The following TMTC1 variants were observed in gnomAD, a reference collection of about 807,000 sequenced individuals.
The protein encoded by TMTC1 is protein O-mannosyl-transferase TMTC1.
In TMTC1, 73 loss-of-function variants were observed where a neutral mutation model predicts 104.8. The ratio of observed to expected loss-of-function variants is 0.70; its 90% CI spans 0.58 to 0.85. The LOEUF is 0.85. TMTC1 is among the 40% of genes least tolerant of loss of function. The pLI, the probability that TMTC1 is intolerant of heterozygous loss-of-function variation, is 0.00. For missense variants in TMTC1, 1,035 were observed against 1,096.1 expected (o/e 0.94, Z 0.79); for synonymous variants, 434 against 428.7 (o/e 1.01, Z -0.15).
intron 5 of TMTC1, among the ~76,000 whole-genome samples, chr12:29,663,807 A>G (rs7301530): frequency 0.81 from 121,956 of 150,812 alleles, 49,480 homozygotes; most frequent in South Asian, 0.85. Flanking sequence ...GTGAGCCACC[A>G]CACCCAGCCA....
intron 5 of TMTC1, among the ~76,000 whole-genome samples, chr12:29,660,219 T>C (rs1165846963): frequency 3.3e-5 from 5 of 152,214 alleles, no homozygotes; most frequent in African/African-American, 1.2e-4. Flanking sequence ...AGAAACCAGC[T>C]GCCATGTGGC....
chr12:29,570,050 C>A (rs1371110770), intron 9 of TMTC1, among the ~76,000 whole-genome samples: 2 of 152,158 alleles, frequency 1.3e-5, no homozygotes, highest in Admixed American at 1.3e-4. Context: ...TTGAACTTGA[C>A]AGAAAATAGT....
intron 7 of TMTC1, among the ~76,000 whole-genome samples, chr12:29,603,792 A>G (rs535370025): frequency 1.4e-4 from 21 of 152,356 alleles, no homozygotes; most frequent in African/African-American, 5.0e-4. Context: ...AAAGAAGTTA[A>G]TTACAATCAT....
chr12:29,588,408 T>G (rs1946195970), intron 7 of TMTC1, among the ~76,000 whole-genome samples: 1 of 152,204 alleles, frequency 6.6e-6, no homozygotes, highest in Admixed American at 6.5e-5. Context: ...CTGCTCAAGT[T>G]CATAAGCCTG....
At chr12:29,606,729 C>A (rs560088604) in intron 6 of TMTC1, among the ~76,000 whole-genome samples, 1 of 152,252 alleles carries the variant, frequency 6.6e-6, no homozygotes, top group African/African-American at 2.4e-5. Context: ...CCCAATGAGC[C>A]ACCCCACGGC....
chr12:29,778,367 G>C (rs1193950373), intron 1 of TMTC1, among the ~76,000 whole-genome samples: 1 of 152,190 alleles, frequency 6.6e-6, no homozygotes. Context: ...TTCTTCCCAA[G>C]AGAAGGGTTG....
intron 5 of TMTC1, among the ~76,000 whole-genome samples, chr12:29,661,871 T>C (rs1940045742): frequency 6.6e-6 from 1 of 152,198 alleles, no homozygotes; most frequent in Admixed American, 6.5e-5. Context: ...CGTCAGCTTC[T>C]AGAGGGGCAG....
chr12:29,687,449 G>A lies in TMTC1; in HGVS notation c.939-54113C>T, dbSNP rs371514616. On this transcript the variant is annotated intron_variant, in intron 5 of 17. Transcript: ENST00000539277. The stretch of plus-strand genomic sequence containing the variant: ...AATGCCATAAAGAGGAAGAAAGACT[G>A]ATAAACTCTTCCAAATTAAACGAGA... Among the ~76,000 whole-genome samples the A allele has an allele frequency of 1.2e-4, 19 of 152,214 alleles. No individual in the cohort carries two copies. The East Asian group carries it at 1.9e-3, about 15-fold the overall frequency.
At chr12:29,652,528 C>CA (rs1166487844) in intron 5 of TMTC1, among the ~76,000 whole-genome samples, 1 of 152,136 alleles carries the variant, frequency 6.6e-6, no homozygotes, top group East Asian at 1.9e-4. Context: ...CCTTCAGAAA[C>CA]AAAAAGGCAA....
intron 5 of TMTC1, among the ~76,000 whole-genome samples, chr12:29,703,015 G>A (rs549849241): frequency 9.1e-4 from 138 of 151,878 alleles, no homozygotes; most frequent in African/African-American, 3.1e-3. Context: ...ACGGTGGCGC[G>A]TGCCTATAAT....
intron 5 of TMTC1, among the ~76,000 whole-genome samples, chr12:29,733,910 T>C (rs773170119): frequency 6.6e-6 from 1 of 152,238 alleles, no homozygotes; most frequent in Non-Finnish European, 1.5e-5. Flanking sequence ...GCAAGGCCAT[T>C]ATTTTTTCAT....
At chr12:29,660,651 C>A (rs561672026) in intron 5 of TMTC1, among the ~76,000 whole-genome samples, 1 of 152,066 alleles carries the variant, frequency 6.6e-6, no homozygotes, top group South Asian at 2.1e-4. Context: ...TGTAACATTA[C>A]GGCATGCCAA....
chr12:29,508,803 C>T (rs1943758160), intron 17 of TMTC1, among the ~76,000 whole-genome samples: 1 of 152,086 alleles, frequency 6.6e-6, no homozygotes, highest in Non-Finnish European at 1.5e-5. Flanking sequence ...TTCTCAAACC[C>T]CCGACCTCAG....
At chr12:29,639,158 A>G (rs1938710446) in intron 5 of TMTC1, among the ~76,000 whole-genome samples, 1 of 152,214 alleles carries the variant, frequency 6.6e-6, no homozygotes, top group South Asian at 2.1e-4. Context: ...TGCCTTCCAC[A>G]ACAGCATTTT....
At chr12:29,663,049 G>A (rs747853897) in intron 5 of TMTC1, among the ~76,000 whole-genome samples, 1 of 152,186 alleles carries the variant, frequency 6.6e-6, no homozygotes, top group Non-Finnish European at 1.5e-5. Flanking sequence ...CCCAAAATGG[G>A]CTTTAGGGGG....
intron 5 of TMTC1, among the ~76,000 whole-genome samples, chr12:29,720,120 G>C (rs1007840403): frequency 2.0e-5 from 3 of 152,216 alleles, no homozygotes; most frequent in African/African-American, 7.2e-5. Flanking sequence ...CCAAGGTTTT[G>C]TTAGGTCATA....
At position 29,522,590 on chromosome 12, in the gene TMTC1, T is replaced by C. The variant is rs1592165905; in HGVS notation, c.1786-1870A>G. On this transcript the variant is annotated intron_variant, in intron 11 of 17. Transcript: ENST00000539277. ...TGTGTGTGTGTGTGTGTGTGTGTAA[T>C]GAAGACAGGCAGAACAGAAATTATA... Among the ~76,000 whole-genome samples, 6 of 148,604 alleles carry C rather than the reference T, an allele frequency of 4.0e-5. 1 individual carries two copies. The South Asian group carries it at 1.3e-3, about 32-fold the overall frequency.
rs117760435 is a variant in TMTC1, at chr12:29,751,850, G to T, written c.754C>A (p.Arg252Ser). ...DKSSNGALCP[R>S]SPQQPGSPQP... ...GGGCTCCCGGGCTGCTGTGGGCTGC[G>T]TGGACAGAGGGCCCCATTGCTCCTG... The change falls in exon 5 of 18, where the codon CGC becomes AGC. Residue 252 changes from arginine to serine, a missense_variant. Coordinates refer to ENST00000539277, the MANE Select transcript of TMTC1 (RefSeq NM_001193451.2). 1.9e-6 allele frequency: 3 copies of T among 1,581,574 alleles called. No individual in the cohort carries two copies. The highest frequency in any genetic ancestry group is 1.3e-5 in the African/African-American group (1 of 74,160).
intron 12 of TMTC1, among the ~76,000 whole-genome samples, chr12:29,520,396 G>A (rs1944113973): frequency 6.6e-6 from 1 of 152,076 alleles, no homozygotes. Context: ...TGTCCCCTGG[G>A]GAGTTTTCCA....
Sources: allele counts gnomAD v4.1 joint callset (sites outside exome capture counted in the v4.1 genomes callset), GRCh38; gene constraint gnomAD v4.1.1; transcripts MANE v1.5; gene names NCBI Gene and HGNC (gene_info 2026-07-23, HGNC 2026-07-21).